MAP2K3: variants seen among roughly 807,000 people sequenced by gnomAD.
MAP2K3 encodes dual specificity mitogen-activated protein kinase kinase 3.
MAP2K3 carries 30 observed loss-of-function variants against 46.4 expected under a neutral mutation model. That is an observed-to-expected ratio of 0.65 (90% CI 0.48 to 0.88). MAP2K3 has a LOEUF of 0.88. Among genes scored for constraint, MAP2K3 ranks in the 40% least tolerant of loss-of-function variants. MAP2K3 has a pLI of 0.00. For synonymous variants in MAP2K3, 189 were observed against 176.3 expected (o/e 1.07, Z -0.57); for missense variants, 380 against 464.5 (o/e 0.82, Z 1.67).
chr17:21,297,763 G>A (rs537439733), intron 1 of MAP2K3, among the ~76,000 whole-genome samples: 7 of 152,302 alleles, frequency 4.6e-5, no homozygotes, highest in Admixed American at 6.5e-5. Context: ...GAGTGAGGAA[G>A]GTACTGCCCC....
At chr17:21,295,855 G>T in intron 1 of MAP2K3, 2 of 1,288,510 alleles carry the variant, frequency 1.6e-6, no homozygotes, top group Non-Finnish European at 2.0e-6. Flanking sequence ...GCAGGCTGGG[G>T]CCAGAGGGAC....
intron 8 of MAP2K3, 37 bp downstream of exon 8, chr17:21,304,590 AT>A (rs1206002396): frequency 1.9e-6 from 3 of 1,613,790 alleles, no homozygotes; most frequent in Non-Finnish European, 2.5e-6. Flanking sequence ...TCAGGAGAGG[AT>A]GGGGCGGGGA....
chr17:21,308,246 C>T (rs1271705635), intron 9 of MAP2K3, among the ~76,000 whole-genome samples: 1 of 152,288 alleles, frequency 6.6e-6, no homozygotes, highest in Non-Finnish European at 1.5e-5. Context: ...CTCCCAGGTT[C>T]AAGCAATTCT....
rs1193102873 is a variant in MAP2K3 at position 21,313,478 on chromosome 17, C to G, written c.915-14C>G. The G allele has an allele frequency of 4.3e-6, 7 of 1,611,488 alleles. No individual in the cohort carries two copies. The highest frequency in any genetic ancestry group is 5.9e-6 in the Non-Finnish European group (7 of 1,179,056). ...CCCTGCCAGCCTGGCCACAGCTGCA[C>G]TATTCTCTCCTAGCCTGAGGAAGAA... On this transcript the variant is annotated splice_polypyrimidine_tract_variant and intron_variant, in intron 10 of 11. Transcript: ENST00000342679.
intron 4 of MAP2K3, 30 bp downstream of exon 4, chr17:21,300,688 G>C (rs1225948740): frequency 1.3e-6 from 2 of 1,597,202 alleles, no homozygotes; most frequent in Non-Finnish European, 1.7e-6. Flanking sequence ...AGCTGGGAGG[G>C]CTCCCTGGAG....
At chr17:21,285,899 A>AT (rs113541487) in intron 1 of MAP2K3, among the ~76,000 whole-genome samples, 49,935 of 148,690 alleles carry the variant, frequency 0.34, 8,302 homozygotes, top group Non-Finnish European at 0.36. Flanking sequence ...CAAAAGGGGA[A>AT]TTTTTTTTTT....
intron 1 of MAP2K3, chr17:21,295,787 T>C (rs1976210371): frequency 7.8e-7 from 1 of 1,289,232 alleles, no homozygotes; most frequent in Non-Finnish European, 1.0e-6. Flanking sequence ...AACTGAGGCT[T>C]GGTGAAGGGG....
chr17:21,312,134 C>T lies in MAP2K3; in HGVS notation c.775-8C>T, dbSNP rs62055363. 2.5e-5 allele frequency: 39 copies of T among 1,536,314 alleles called. No homozygotes were observed. Among genetic ancestry groups the T allele is most frequent in the East Asian group, 5.1e-5 (2 of 39,544 alleles). On this transcript the variant is annotated splice_region_variant and splice_polypyrimidine_tract_variant and intron_variant, in intron 9 of 11. Transcript: ENST00000342679. ...GCCGGGGCCTCTGACCCCCTGTCCC[C>T]GCTGCAGATTGAGATGGCCATCCTG...
intron 1 of MAP2K3, chr17:21,296,102 C>T (rs772920492): frequency 7.8e-7 from 1 of 1,289,538 alleles, no homozygotes; most frequent in Non-Finnish European, 1.0e-6. Context: ...TGGTCATATC[C>T]ATGGTGACCA....
intron 1 of MAP2K3, among the ~76,000 whole-genome samples, chr17:21,294,799 A>C (rs1976147188): frequency 6.6e-6 from 1 of 152,306 alleles, no homozygotes; most frequent in Admixed American, 6.5e-5. Flanking sequence ...CATGACGCTG[A>C]TAACCCGGGG....
rs1300924814 is a variant in MAP2K3 at position 21,300,542 on chromosome 17, A to C, written c.166-3A>C. ...CCACTGACTCTCTTTTCCATCCTTC[A>C]AGAACTTTGAGGTGGAGGCTGATGA... On this transcript the variant is annotated splice_polypyrimidine_tract_variant and splice_region_variant and intron_variant, in intron 3 of 11. Transcript: ENST00000342679. 6.2e-7 allele frequency: 1 copy of C among 1,606,516 alleles called. No individual in the cohort carries two copies. The highest frequency in any genetic ancestry group is 8.5e-7 in the Non-Finnish European group (1 of 1,176,574).
chr17:21,295,192 C>T (rs1430637202), intron 1 of MAP2K3, among the ~76,000 whole-genome samples: 11 of 152,420 alleles, frequency 7.2e-5, no homozygotes, highest in Non-Finnish European at 4.4e-5. Context: ...GAGAAGGGCT[C>T]ACTCAAGGGT....
At chr17:21,296,387 G>A (rs995448309) in intron 1 of MAP2K3, among the ~76,000 whole-genome samples, 1 of 152,310 alleles carries the variant, frequency 6.6e-6, no homozygotes, top group Admixed American at 6.5e-5. Context: ...CTCAGAAGCT[G>A]CTGGCCCTGT....
chr17:21,291,447 A>T, intron 1 of MAP2K3: 1 of 456,508 alleles, frequency 2.2e-6, no homozygotes, highest in South Asian at 1.5e-5. Context: ...GAGCAGCAGC[A>T]CTGGCCTGTC....
chr17:21,298,923 C>T lies in MAP2K3; in HGVS notation c.162C>T (p.Asp54=). 1 of 1,613,576 alleles carries T rather than the reference C, an allele frequency of 6.2e-7. No homozygotes were observed. The highest frequency in any genetic ancestry group is 8.5e-7 in the Non-Finnish European group (1 of 1,180,042). The change falls in exon 3 of 12, where the codon GAC becomes GAT. Residue 54 remains aspartate, a synonymous_variant. Coordinates refer to ENST00000342679, the MANE Select transcript of MAP2K3 (RefSeq NM_145109.3). ...LDSRTFITIG[D]RNFEVEADDL... ...CCCGGACCTTCATCACCATTGGAGACAGAGTAGGTGCCAGCCGCCACCCCT... is the reference window on the plus strand; with the variant it reads ...CCCGGACCTTCATCACCATTGGAGATAGAGTAGGTGCCAGCCGCCACCCCT...
chr17:21,285,052 C>T (rs1975686942), intron 1 of MAP2K3, 83 bp downstream of exon 1: 2 of 1,519,344 alleles, frequency 1.3e-6, no homozygotes, highest in Non-Finnish European at 1.8e-6. Flanking sequence ...TCTTTGGTCC[C>T]ACCCCATCCT....
chr17:21,298,223 C>G, intron 1 of MAP2K3, 190 bp from the exon 2 acceptor site: 1 of 832,198 alleles, frequency 1.2e-6, no homozygotes, highest in East Asian at 2.4e-5. Context: ...CTGCTCTGCT[C>G]CCCTGCAGGG....
intron 2 of MAP2K3, 80 bp from the exon 3 acceptor site, chr17:21,298,798 C>T (rs1597812943): frequency 6.2e-7 from 1 of 1,605,598 alleles, no homozygotes; most frequent in East Asian, 2.2e-5. Flanking sequence ...CACGCCAGGC[C>T]CCACACTGGC....
chr17:21,299,219 G>C (rs1597813847), intron 3 of MAP2K3, among the ~76,000 whole-genome samples: 1 of 152,300 alleles, frequency 6.6e-6, no homozygotes, highest in East Asian at 1.9e-4. Flanking sequence ...AGCCCTAGGG[G>C]AGAGTATTGA....
Sources: allele counts gnomAD v4.1 joint callset (sites outside exome capture counted in the v4.1 genomes callset), GRCh38; gene constraint gnomAD v4.1.1; transcripts MANE v1.5; gene names NCBI Gene and HGNC (gene_info 2026-07-23, HGNC 2026-07-21).